AFTPH: variants seen among roughly 807,000 people sequenced by gnomAD.
The protein encoded by AFTPH is aftiphilin protein.
Under a neutral mutation model 72.5 loss-of-function variants are expected in AFTPH, and 7 were observed. That is an observed-to-expected ratio of 0.10 (90% CI 0.05 to 0.18). AFTPH has a LOEUF of 0.18. Among genes scored for constraint, AFTPH ranks in the 10% least tolerant of loss-of-function variants. The pLI is 1.00. For missense variants in AFTPH, 979 were observed against 1,060.5 expected, an observed-to-expected ratio of 0.92 and a Z score of 1.07; for synonymous variants, 337 against 370.1, an observed-to-expected ratio of 0.91 and a Z score of 1.03.
intron 1 of AFTPH, among the ~76,000 whole-genome samples, chr2:64,537,763 T>C (rs1176266693): frequency 6.6e-6 from 1 of 152,248 alleles, no homozygotes; most frequent in Non-Finnish European, 1.5e-5. Flanking sequence ...TTTATTACTT[T>C]TATACACAAT....
intron 2 of AFTPH, among the ~76,000 whole-genome samples, chr2:64,560,885 AAAAG>A (rs1337640863): frequency 6.6e-6 from 1 of 152,316 alleles, no homozygotes; most frequent in Middle Eastern, 3.4e-3. Context: ...GGGAGGAAAA[AAAAG>A]AAAGTAATAG....
chr2:64,524,380 T>TGGAGGAGGC lies in AFTPH; in HGVS notation c.-262_-254dup, dbSNP rs1669116018. 1.7e-5 allele frequency: 7 copies of TGGAGGAGGC among 402,396 alleles called. No homozygotes were observed. The Middle Eastern group carries it at 1.8e-3, about 106-fold the overall frequency. 24.9% of individuals were successfully genotyped at this position (402,396 alleles called of 1,614,324 possible). A position where few individuals can be genotyped will look rare whatever the true frequency, so the allele number is the denominator to read the frequency against. ...GGGCGGGGGGTCTCCGCGGAGGAGG[T>TGGAGGAGGC]GGAGGAGGCGGCGGCGGCGGCGGAA... On this transcript the variant is annotated 5_prime_UTR_variant, in exon 1 of 9. Coordinates refer to ENST00000238856, the Ensembl canonical transcript of AFTPH.
At chr2:64,580,308 T>C (rs1196552910) in intron 7 of AFTPH, 2 of 152,674 alleles carry the variant, frequency 1.3e-5, no homozygotes, top group Non-Finnish European at 2.9e-5. Context: ...CCTATCATTG[T>C]CTAAATGGCA....
At chr2:64,547,604 T>C (rs1167823910) in intron 1 of AFTPH, among the ~76,000 whole-genome samples, 1 of 152,228 alleles carries the variant, frequency 6.6e-6, no homozygotes, top group Admixed American at 6.5e-5. Flanking sequence ...GCAGTTTATT[T>C]ACTTACATGT....
At chr2:64,589,759 G>A (rs1348174438) in intron 8 of AFTPH, among the ~76,000 whole-genome samples, 34 of 152,000 alleles carry the variant, frequency 2.2e-4, no homozygotes, top group Non-Finnish European at 1.2e-4. Context: ...ATTTAGGTGC[G>A]CATTTATTCA....
chr2:64,587,106 A>G (rs1242239555), intron 8 of AFTPH, among the ~76,000 whole-genome samples: 2 of 152,196 alleles, frequency 1.3e-5, no homozygotes, highest in African/African-American at 4.8e-5. Flanking sequence ...TGTTCTCCTA[A>G]TTCGTTAACT....
At chr2:64,591,799 T>C in intron 8 of AFTPH, 89 bp from the exon 10 acceptor site, 1 of 1,410,738 alleles carries the variant, frequency 7.1e-7, no homozygotes, top group South Asian at 1.2e-5. Context: ...CACAGATTGC[T>C]AACTGTCTAC....
chr2:64,582,557 A>AAAT (rs1311398972), intron 7 of AFTPH, among the ~76,000 whole-genome samples: 1 of 152,160 alleles, frequency 6.6e-6, no homozygotes, highest in African/African-American at 2.4e-5. Flanking sequence ...AATTACTTCT[A>AAAT]AATTTACATT....
At chr2:64,526,539 T>C (rs574312581) in intron 1 of AFTPH, among the ~76,000 whole-genome samples, 1 of 152,346 alleles carries the variant, frequency 6.6e-6, no homozygotes, top group East Asian at 1.9e-4. Flanking sequence ...AAATAAAGGT[T>C]TTTCCCTCTA....
intron 2 of AFTPH, among the ~76,000 whole-genome samples, chr2:64,557,081 A>AT (rs142432826): frequency 0.023 from 3,474 of 151,402 alleles, 134 homozygotes; most frequent in African/African-American, 0.077. Flanking sequence ...TATTTTAACA[A>AT]TTTTTTTTTC....
exon 6 of AFTPH, chr2:64,572,946 G>A: frequency 1.2e-6 from 2 of 1,613,884 alleles, no homozygotes; most frequent in Non-Finnish European, 1.7e-6. Context: ...CCTTTTTCAG[G>A]GTATGTTAGA....
chr2:64,552,109 TTAGCACTCA>T (rs762064984), exon 2 of AFTPH: 59 of 1,614,112 alleles, frequency 3.7e-5, no homozygotes, highest in Non-Finnish European at 4.7e-5. Context: ...CGGAAGCCTC[TTAGCACTCA>T]TAGCACTGAG....
chr2:64,569,486 A>G, intron 4 of AFTPH, 137 bp from the exon 5 acceptor site: 1 of 1,026,282 alleles, frequency 9.7e-7, no homozygotes, highest in Non-Finnish European at 1.4e-6. Context: ...AATAACCCAT[A>G]TGGGCAATTT....
intron 1 of AFTPH, among the ~76,000 whole-genome samples, chr2:64,536,401 TAATAAA>T (rs1669885770): frequency 6.6e-6 from 1 of 151,476 alleles, no homozygotes; most frequent in South Asian, 2.1e-4. Flanking sequence ...ACCGCATCTC[TAATAAA>T]AATAAAAAAT....
chr2:64,535,423 A>C (rs1669835866), intron 1 of AFTPH, among the ~76,000 whole-genome samples: 1 of 152,246 alleles, frequency 6.6e-6, no homozygotes, highest in African/African-American at 2.4e-5. Flanking sequence ...TGTTAAATGT[A>C]ATAGGAAATA....
intron 1 of AFTPH, among the ~76,000 whole-genome samples, chr2:64,548,024 C>T (rs568883260): frequency 6.6e-6 from 1 of 151,448 alleles, no homozygotes; most frequent in South Asian, 2.1e-4. Context: ...CTCCTGGGCT[C>T]AAGTAATTCA....
exon 2 of AFTPH, chr2:64,551,866 C>T (rs1432485301): frequency 6.2e-7 from 1 of 1,613,746 alleles, no homozygotes; most frequent in South Asian, 1.1e-5. Context: ...ATGGAAAGAC[C>T]AGGAAATTTA....
intron 1 of AFTPH, among the ~76,000 whole-genome samples, chr2:64,549,308 C>CTTTTTTTTTTTTTTTTTTTTT (rs34951706): frequency 1.8e-5 from 1 of 55,982 alleles, no homozygotes; most frequent in African/African-American, 6.1e-5. Flanking sequence ...TTAGTCCTCC[C>CTTTTTTTTTTTTTTTTTTTTT]TTTTTTTTTT....
chr2:64,581,750 T>C (rs1673217884), intron 7 of AFTPH, among the ~76,000 whole-genome samples: 1 of 152,226 alleles, frequency 6.6e-6, no homozygotes. Context: ...TGCTGCTAAA[T>C]ATATAATTGG....
Sources: allele counts gnomAD v4.1 joint callset (sites outside exome capture counted in the v4.1 genomes callset), GRCh38; gene constraint gnomAD v4.1.1; transcripts MANE v1.5; gene names NCBI Gene and HGNC (gene_info 2026-07-23, HGNC 2026-07-21).